Variants in SYNE1 observed in about 807,000 individuals in gnomAD.
The protein encoded by SYNE1 is nesprin-1.
Under a neutral mutation model 1,111.0 loss-of-function variants are expected in SYNE1, and 616 were observed. The ratio of observed to expected loss-of-function variants is 0.55; its 90% CI spans 0.52 to 0.59. The LOEUF is 0.59. Among genes scored for constraint, SYNE1 ranks in the 20% least tolerant of loss-of-function variants. The pLI, the probability that SYNE1 is intolerant of heterozygous loss-of-function variation, is 0.00. For synonymous variants in SYNE1, 3,855 were observed against 3,825.8 expected, an observed-to-expected ratio of 1.01 and a Z score of -0.28; for missense variants, 10,006 against 10,417.0, an observed-to-expected ratio of 0.96 and a Z score of 1.72.
In SYNE1 at chr6:152,373,039, C is replaced by T. The variant is rs2097215811; in HGVS notation, c.9505G>A (p.Glu3169Lys). 1 of 1,613,946 alleles carries T rather than the reference C, an allele frequency of 6.2e-7. No homozygotes were observed. Among genetic ancestry groups the T allele is most frequent in the Non-Finnish European group, 8.5e-7 (1 of 1,179,858 alleles). The stretch of plus-strand genomic sequence containing the variant: ...TCCATGTGGTTGGCTATATATACCT[C>T]TAGAGCAGATTCTTTTTGGTGGAGA... ...SNLHQKESALENLKIQMKDFE... is the reference protein window; with the variant it reads ...SNLHQKESALKNLKIQMKDFE... The change falls in exon 59 of 146, where the codon GAG becomes AAG. Residue 3169 changes from glutamate to lysine, a missense_variant and splice_region_variant. Transcript: ENST00000367255.
At chr6:152,605,033 A>AGGGGGAGG (rs1284002995) in intron 3 of SYNE1, among the ~76,000 whole-genome samples, 2 of 25,436 alleles carry the variant, frequency 7.9e-5, no homozygotes, top group African/African-American at 2.0e-4. Flanking sequence ...AGAGAGAGAG[A>AGGGGGAGG]GAGGGAGGGA....
chr6:152,440,567 A>ATTTTTTTTT (rs10700163), intron 32 of SYNE1, among the ~76,000 whole-genome samples: 6 of 122,698 alleles, frequency 4.9e-5, no homozygotes, highest in African/African-American at 9.8e-5. Flanking sequence ...TTGCCTCCAG[A>ATTTTTTTTT]TTTTTTTTTT....
rs182224760 is a variant in SYNE1 at position 152,484,802 on chromosome 6, A to G, written c.1185+33T>C. ...AAAAATATTCTTTTCTAAATTTATT[A>G]AGCTCAGTATAACTAATTGTGGGAG... On this transcript the variant is annotated intron_variant, in intron 13 of 145. Coordinates refer to ENST00000367255, the MANE Select transcript of SYNE1 (RefSeq NM_182961.4). 1.2e-5 allele frequency: 19 copies of G among 1,609,396 alleles called. No individual in the cohort carries two copies. In the Admixed American group the frequency reaches 3.2e-4, roughly 27 times the overall value.
At chr6:152,628,636 A>C in intron 2 of SYNE1, 82 bp from the exon 3 acceptor site, 1 of 345,776 alleles carries the variant, frequency 2.9e-6, no homozygotes, top group Non-Finnish European at 5.3e-6. Flanking sequence ...AAATATTTCT[A>C]TTTAATTTGA....
At chr6:152,633,525 G>A (rs536218831) in intron 2 of SYNE1, among the ~76,000 whole-genome samples, 2 of 152,278 alleles carry the variant, frequency 1.3e-5, no homozygotes, top group East Asian at 3.9e-4. Flanking sequence ...TACTATGGAA[G>A]CAAACAAAAC....
chr6:152,138,512 A>AAAAG, intron 140 of SYNE1, among the ~76,000 whole-genome samples: 1 of 141,846 alleles, frequency 7.0e-6, no homozygotes, highest in South Asian at 2.3e-4. Flanking sequence ...CTCTGTCTCA[A>AAAAG]AAATAAATAA....
In SYNE1 at chr6:152,407,089, G is replaced by A. The variant is rs185829704; in HGVS notation, c.6648C>T (p.Cys2216=). The A allele has an allele frequency of 9.8e-5, 158 of 1,613,910 alleles. No homozygotes were observed. In the East Asian group the frequency reaches 1.9e-3, roughly 19 times the overall value. The change falls in exon 45 of 146, where the codon TGC becomes TGT. Residue 2216 remains cysteine, a synonymous_variant. Coordinates refer to ENST00000367255, the MANE Select transcript of SYNE1 (RefSeq NM_182961.4). ...TGATGTTTTCTGCCATCTGTGGAACGCAGTTGTTTGACCATCCCTCAATCT... is the reference window on the plus strand; with the variant it reads ...TGATGTTTTCTGCCATCTGTGGAACACAGTTGTTTGACCATCCCTCAATCT... ...RDEIEGWSNN[C]VPQMAENISN... is the part of the protein sequence containing the mutation.
intron 4 of SYNE1, among the ~76,000 whole-genome samples, chr6:152,530,677 G>A (rs1381333966): frequency 4.0e-5 from 6 of 149,652 alleles, no homozygotes; most frequent in Admixed American, 6.7e-5. Context: ...TCTGTAGTGC[G>A]GTGGCACAAT....
At chr6:152,252,503 C>T (rs1039197472) in intron 104 of SYNE1, among the ~76,000 whole-genome samples, 4 of 152,068 alleles carry the variant, frequency 2.6e-5, no homozygotes, top group Non-Finnish European at 5.9e-5. Context: ...TAATGTACAT[C>T]TACATAACAT....
At chr6:152,252,296 T>C (rs2089553456) in intron 104 of SYNE1, among the ~76,000 whole-genome samples, 2 of 151,714 alleles carry the variant, frequency 1.3e-5, no homozygotes, top group African/African-American at 4.8e-5. Flanking sequence ...AATAAATAAA[T>C]AAATAAATAA....
Position 152,369,982 on chromosome 6 carries a change from CAAAAAA to C in SYNE1, c.9508-374_9508-369del, listed in dbSNP as rs778013525. On this transcript the variant is annotated intron_variant, in intron 59 of 145. Coordinates refer to ENST00000367255, the MANE Select transcript of SYNE1 (RefSeq NM_182961.4). ...TGGGTGACAGAGGGTGACTCTGTCTCAAAAAAAAAAAAAAAAAAAAAAAAAATTCCA... is the reference window on the plus strand; with the variant it reads ...TGGGTGACAGAGGGTGACTCTGTCTCAAAAAAAAAAAAAAAAAAAATTCCA... 2.8e-4 allele frequency among the ~76,000 whole-genome samples: 14 copies of C among 49,986 alleles called. No individual in the cohort carries two copies. In the South Asian group the frequency reaches 0.01, roughly 36 times the overall value. 32.8% of individuals were successfully genotyped at this position (49,986 alleles called of 152,430 possible). A position where few individuals can be genotyped will look rare whatever the true frequency, so the allele number is the denominator to read the frequency against.
chr6:152,370,300 A>G (rs903214062), intron 59 of SYNE1, among the ~76,000 whole-genome samples: 3 of 152,146 alleles, frequency 2.0e-5, no homozygotes, highest in Admixed American at 2.0e-4. Context: ...TGCAAGCTCC[A>G]TGAGGGGAGG....
chr6:152,149,818 A>T, intron 135 of SYNE1, 150 bp from the exon 136 acceptor site: 1 of 710,014 alleles, frequency 1.4e-6, no homozygotes, highest in East Asian at 2.7e-5. Flanking sequence ...AGAGTCTATT[A>T]CCTTCTAAAG....
rs188868532 is a variant in SYNE1 at position 152,245,849 on chromosome 6, G to T, written c.19573-1193C>A. Reference sequence around the variant, plus strand: ...CCATACTGTCCCTTTTTCTTCCCGGGTAAAAGACTGAAAGTGTGTTCTCTG... The same window carrying T: ...CCATACTGTCCCTTTTTCTTCCCGGTTAAAAGACTGAAAGTGTGTTCTCTG... On this transcript the variant is annotated intron_variant, in intron 105 of 145. Transcript: ENST00000367255. Among the ~76,000 whole-genome samples the T allele has an allele frequency of 2.0e-5, 3 of 152,192 alleles. No homozygotes were observed. Among genetic ancestry groups the T allele is most frequent in the Admixed American group, 1.3e-4 (2 of 15,274 alleles).
At chr6:152,142,057 A>C (rs1156339759) in intron 138 of SYNE1, among the ~76,000 whole-genome samples, 3 of 152,150 alleles carry the variant, frequency 2.0e-5, no homozygotes, top group Non-Finnish European at 4.4e-5. Context: ...TGGGTGACAG[A>C]GTGTGAGACC....
At chr6:152,336,721 G>A in intron 76 of SYNE1, 120 bp downstream of exon 76, 1 of 1,302,350 alleles carries the variant, frequency 7.7e-7, no homozygotes, top group Non-Finnish European at 1.1e-6. Context: ...TTAAAGAGTT[G>A]TATTAATGTC....
intron 127 of SYNE1, among the ~76,000 whole-genome samples, chr6:152,192,339 G>A (rs1587419112): frequency 1.6e-5 from 2 of 124,372 alleles, no homozygotes; most frequent in African/African-American, 3.1e-5. Flanking sequence ...TGCTAAAAGT[G>A]GGGTGTTGAA....
Position 152,510,501 on chromosome 6 carries a change from T to C in SYNE1, c.403-130A>G, listed in dbSNP as rs181365834. The stretch of plus-strand genomic sequence containing the variant: ...GACATTCCTGACAAAATGCAAGCTC[T>C]TAAAGGGCATGATTGATATCTTACT... On this transcript the variant is annotated intron_variant, in intron 7 of 145. Coordinates refer to ENST00000367255, the MANE Select transcript of SYNE1 (RefSeq NM_182961.4). 2.2e-4 allele frequency: 223 copies of C among 1,031,196 alleles called. No individual in the cohort carries two copies. The African/African-American group carries it at 3.3e-3, about 15-fold the overall frequency. 63.9% of individuals were successfully genotyped at this position (1,031,196 alleles called of 1,614,324 possible). A position where few individuals can be genotyped will look rare whatever the true frequency, so the allele number is the denominator to read the frequency against.
chr6:152,168,775 T>C (rs1407874091), intron 130 of SYNE1, among the ~76,000 whole-genome samples: 1 of 152,144 alleles, frequency 6.6e-6, no homozygotes, highest in East Asian at 1.9e-4. Context: ...TATCTTTGAG[T>C]AGACTATTTG....
Sources: allele counts gnomAD v4.1 joint callset (sites outside exome capture counted in the v4.1 genomes callset), GRCh38; gene constraint gnomAD v4.1.1; transcripts MANE v1.5; gene names NCBI Gene and HGNC (gene_info 2026-07-23, HGNC 2026-07-21).